The following PKHD1L1 variants were observed in gnomAD, a reference collection of about 807,000 sequenced individuals.
PKHD1L1 encodes fibrocystin-L.
Under a neutral mutation model 462.9 loss-of-function variants are expected in PKHD1L1, and 434 were observed. The ratio of observed to expected loss-of-function variants is 0.94; its 90% confidence interval spans 0.87 to 1.02. The LOEUF (loss-of-function observed/expected upper bound fraction) is 1.02. PKHD1L1 is among the 50% of genes least tolerant of loss of function. The pLI is 0.00. For synonymous variants in PKHD1L1, 1,781 were observed against 1,750.0 expected, an observed-to-expected ratio of 1.02 and a Z score of -0.44; for missense variants, 5,202 against 5,096.1, an observed-to-expected ratio of 1.02 and a Z score of -0.63.
intron 37 of PKHD1L1, among the ~76,000 whole-genome samples, chr8:109,444,415 G>T (rs1815997616): frequency 6.6e-6 from 1 of 152,110 alleles, no homozygotes; most frequent in Non-Finnish European, 1.5e-5. Flanking sequence ...TTCATCAGTT[G>T]ATGGACATTT....
Position 109,425,178 on chromosome 8 carries a change from T to C in PKHD1L1, c.2791T>C (p.Ser931Pro). The C allele has an allele frequency of 6.2e-7, 1 of 1,610,098 alleles. No individual in the cohort carries two copies. Among genetic ancestry groups the C allele is most frequent in the Non-Finnish European group, 8.5e-7 (1 of 1,178,426 alleles). The change falls in exon 24 of 78, where the codon TCT becomes CCT. Residue 931 changes from serine to proline, a missense_variant. Around this residue, in one of 3 missense-constraint regions of PKHD1L1, gnomAD observed 4,497 missense variants for 4,336.8 expected, o/e 1.04. Coordinates refer to ENST00000378402, the MANE Select transcript of PKHD1L1 (RefSeq NM_177531.6). ...KIHIQRIQAA[S>P]PPLSGSFDIQ... ...TCATATTCAAAGAATTCAAGCTGCATCTCCACCTCTAAGTGGCAGCTTTGA... is the reference window on the plus strand; with the variant it reads ...TCATATTCAAAGAATTCAAGCTGCACCTCCACCTCTAAGTGGCAGCTTTGA...
chr8:109,492,527 T>C (rs933692508), intron 62 of PKHD1L1, among the ~76,000 whole-genome samples: 2 of 151,794 alleles, frequency 1.3e-5, no homozygotes, highest in Non-Finnish European at 3.0e-5. Flanking sequence ...TCAAAGGAAA[T>C]TTAAAATAGT....
At chr8:109,371,351 G>A (rs1391969165) in intron 2 of PKHD1L1, among the ~76,000 whole-genome samples, 4 of 152,050 alleles carry the variant, frequency 2.6e-5, no homozygotes, top group Admixed American at 1.3e-4. Flanking sequence ...TGATGGGGTT[G>A]TTTGTATTTT....
At chr8:109,528,710 C>A (rs1239794009) in intron 77 of PKHD1L1, among the ~76,000 whole-genome samples, 2 of 152,176 alleles carry the variant, frequency 1.3e-5, no homozygotes, top group African/African-American at 2.4e-5. Context: ...ATAGTCCTTT[C>A]TGTAATATAC....
Position 109,533,203 on chromosome 8 carries a change from T to A in PKHD1L1, c.*3113T>A, listed in dbSNP as rs1482933385. ...CTGTTCAAATTCTTGGTTTCTACTT[T>A]ACCACTTCTATGCCCTCAGGCAAGT... On this transcript the variant is annotated 3_prime_UTR_variant, in exon 78 of 78. Coordinates refer to ENST00000378402, the MANE Select transcript of PKHD1L1 (RefSeq NM_177531.6). 1.3e-5 allele frequency among the ~76,000 whole-genome samples: 2 copies of A among 152,268 alleles called. No individual in the cohort carries two copies. The highest frequency in any genetic ancestry group is 2.4e-5 in the African/African-American group (1 of 41,480).
intron 11 of PKHD1L1, among the ~76,000 whole-genome samples, chr8:109,396,831 A>G (rs1813004577): frequency 6.6e-6 from 1 of 152,240 alleles, no homozygotes. Flanking sequence ...GCAACAAGGC[A>G]TATGCATTTC....
intron 24 of PKHD1L1, 84 bp from the exon 25 acceptor site, chr8:109,426,918 G>A: frequency 1.3e-6 from 1 of 790,170 alleles, no homozygotes; most frequent in East Asian, 2.5e-5. Flanking sequence ...CTCCCAAAGT[G>A]CTAAGATTAC....
intron 76 of PKHD1L1, among the ~76,000 whole-genome samples, chr8:109,526,084 C>A: frequency 6.6e-6 from 1 of 152,116 alleles, no homozygotes; most frequent in East Asian, 1.9e-4. Flanking sequence ...TATTGGTTAT[C>A]TCCTATTCAA....
At chr8:109,432,002 G>A (rs913327018) in intron 27 of PKHD1L1, among the ~76,000 whole-genome samples, 4 of 152,002 alleles carry the variant, frequency 2.6e-5, no homozygotes, top group Admixed American at 6.6e-5. Context: ...TAACTATTCC[G>A]ATGGGTGAAA....
At chr8:109,455,549 A>T (rs1050292651) in intron 45 of PKHD1L1, among the ~76,000 whole-genome samples, 5 of 152,148 alleles carry the variant, frequency 3.3e-5, no homozygotes, top group African/African-American at 1.2e-4. Flanking sequence ...TAAAAAGACT[A>T]AGTCTAGAAA....
Position 109,425,109 on chromosome 8 carries a change from G to A in PKHD1L1, c.2722G>A (p.Glu908Lys), listed in dbSNP as rs186936990. The stretch of plus-strand genomic sequence containing the variant: ...GATAATCACACATGAGACAGAGAAC[G>A]AGTTTGTCTACAGAGGAAATAATTG... ...GQIITHETEN[E>K]FVYRGNNWPG... The change falls in exon 24 of 78, where the codon GAG becomes AAG. Residue 908 changes from glutamate to lysine, a missense_variant. Physicochemically the swap from Glu to Lys is moderately conservative, Grantham distance 56. Transcript: ENST00000378402. The A allele has an allele frequency of 3.6e-4, 577 of 1,588,078 alleles. 2 individuals carry two copies. Among genetic ancestry groups the A allele is most frequent in the South Asian group, 8.8e-4 (76 of 86,018 alleles).
chr8:109,386,291 G>A (rs1415340889), intron 6 of PKHD1L1, among the ~76,000 whole-genome samples: 1 of 152,156 alleles, frequency 6.6e-6, no homozygotes, highest in Non-Finnish European at 1.5e-5. Flanking sequence ...TTTCAGTCCT[G>A]CCTTTAAAGA....
At chr8:109,456,167 A>G (rs1355207193) in intron 45 of PKHD1L1, 95 bp from the exon 46 acceptor site, 2 of 1,339,022 alleles carry the variant, frequency 1.5e-6, no homozygotes, top group African/African-American at 2.9e-5. Context: ...CCTCTCCAAC[A>G]TTGATTCAAT....
chr8:109,417,628 C>T (rs1463813494), intron 21 of PKHD1L1, among the ~76,000 whole-genome samples: 1 of 152,156 alleles, frequency 6.6e-6, no homozygotes, highest in African/African-American at 2.4e-5. Context: ...ACTGCAACCT[C>T]CACCTCCCAG....
At chr8:109,374,569 T>G (rs1811703120) in intron 2 of PKHD1L1, among the ~76,000 whole-genome samples, 1 of 152,220 alleles carries the variant, frequency 6.6e-6, no homozygotes, top group South Asian at 2.1e-4. Flanking sequence ...ATTTTGCTGG[T>G]TAGTTGATGC....
Position 109,430,161 on chromosome 8 carries a change from A to G in PKHD1L1, c.3229+124A>G. The G allele has an allele frequency of 5.8e-6, 3 of 521,310 alleles. No homozygotes were observed. In the South Asian group the frequency reaches 1.2e-4, roughly 20 times the overall value. The allele number at this position is 521,310 out of a possible 1,614,324, so 32.3% of individuals were successfully genotyped here. A position where few individuals can be genotyped will look rare whatever the true frequency, so the allele number is the denominator to read the frequency against. Reference sequence around the variant, plus strand: ...CTAGCTAAAGCAAGCAAACAGTTCTACATTGTGAAAATTAAAAACCCTATC... The same window carrying G: ...CTAGCTAAAGCAAGCAAACAGTTCTGCATTGTGAAAATTAAAAACCCTATC... On this transcript the variant is annotated intron_variant, in intron 27 of 77. Coordinates refer to ENST00000378402, the MANE Select transcript of PKHD1L1 (RefSeq NM_177531.6).
intron 7 of PKHD1L1, among the ~76,000 whole-genome samples, chr8:109,388,814 A>G (rs1224649481): frequency 6.6e-6 from 1 of 152,146 alleles, no homozygotes; most frequent in Non-Finnish European, 1.5e-5. Context: ...CAATTATTTC[A>G]TTTGGCAGTA....
At chr8:109,430,308 C>T (rs867561707) in intron 27 of PKHD1L1, among the ~76,000 whole-genome samples, 2 of 152,136 alleles carry the variant, frequency 1.3e-5, no homozygotes, top group South Asian at 2.1e-4. Context: ...TCCAGTTTCA[C>T]CAGTTAGACT....
At chr8:109,394,347 C>G (rs1812860446) in intron 9 of PKHD1L1, 68 bp from the exon 10 acceptor site, 2 of 996,252 alleles carry the variant, frequency 2.0e-6, no homozygotes, top group Non-Finnish European at 2.9e-6. Context: ...ATTTCTATCA[C>G]TGAAGTTAAA....
Sources: allele counts gnomAD v4.1 joint callset (sites outside exome capture counted in the v4.1 genomes callset), GRCh38; gene constraint gnomAD v4.1.1; regional missense constraint gnomAD v4.1.1; transcripts MANE v1.5; gene names NCBI Gene and HGNC (gene_info 2026-07-23, HGNC 2026-07-21).